Variants in FLCN observed in about 807,000 individuals in gnomAD.
FLCN encodes the protein folliculin.
A neutral mutation model predicts 62.5 loss-of-function variants in FLCN; 22 were observed. That is an observed-to-expected ratio of 0.35 (90% confidence interval 0.25 to 0.50). The LOEUF (loss-of-function observed/expected upper bound fraction) is 0.50, where lower values mean the gene tolerates loss of function less well. FLCN is among the 20% of genes least tolerant of loss of function. The probability of loss-of-function intolerance (pLI) is 0.97; values close to 1 mark genes in which losing one functional copy is unlikely to be tolerated. For missense variants in FLCN, 657 were observed against 778.0 expected, an observed-to-expected ratio of 0.84 and a Z score of 1.85; for synonymous variants, 319 against 310.0, an observed-to-expected ratio of 1.03 and a Z score of -0.30.
intron 9 of FLCN, chr17:17,217,494 T>C (rs1597587976): frequency 2.4e-6 from 1 of 422,058 alleles, no homozygotes; most frequent in East Asian, 5.1e-5. Flanking sequence ...CTACAGACAC[T>C]TTCTGCTGAA....
chr17:17,221,234 C>G (rs1254355413), intron 8 of FLCN: 1 of 1,534,266 alleles, frequency 6.5e-7, no homozygotes, highest in African/African-American at 1.4e-5. Flanking sequence ...ACTTGGCTAT[C>G]ACAAAATCGG....
chr17:17,221,083 C>T (rs558306330), intron 8 of FLCN: 71 of 1,174,468 alleles, frequency 6.0e-5, no homozygotes, highest in East Asian at 3.2e-4. Flanking sequence ...AAACACAGGG[C>T]CCCAAGCCCC....
At chr17:17,217,704 T>C (rs1256894451) in intron 9 of FLCN, 1 of 217,644 alleles carries the variant, frequency 4.6e-6, no homozygotes, top group Non-Finnish European at 9.3e-6. Flanking sequence ...GGACCCATCA[T>C]GGCTTTTAGT....
chr17:17,213,425 T>C lies in FLCN; in HGVS notation c.*230A>G, dbSNP rs1471370335. 2 of 620,548 alleles carry C rather than the reference T, an allele frequency of 3.2e-6. No individual in the cohort carries two copies. Among genetic ancestry groups the C allele is most frequent in the South Asian group, 1.9e-5 (1 of 53,600 alleles). The allele number at this position is 620,548 out of a possible 1,614,324, so 38.4% of individuals were successfully genotyped here. On this transcript the variant is annotated 3_prime_UTR_variant, in exon 14 of 14. Coordinates refer to ENST00000285071, the MANE Select transcript of FLCN (RefSeq NM_144997.7). ...GTTTGAACACAGAGAGAGCCCATCA[T>C]CCCTCCGCCTTTCATTGCCATCTTC...
chr17:17,223,094 T>C (rs2047144339), intron 6 of FLCN: 1 of 297,926 alleles, frequency 3.4e-6, no homozygotes, highest in African/African-American at 2.2e-5. Context: ...CAACATTTTT[T>C]CCTTTCTTTT....
chr17:17,216,466 T>TA lies in FLCN; in HGVS notation c.1213dup (p.Tyr405LeufsTer51), dbSNP rs1131690837. 1 of 1,613,788 alleles carries TA rather than the reference T, an allele frequency of 6.2e-7. No individual in the cohort carries two copies. The highest frequency in any genetic ancestry group is 1.7e-4 in the Middle Eastern group (1 of 6,058). The stretch of plus-strand genomic sequence containing the variant: ...ATAGGCCTCCTCGTACTGGCTGCTG[T>TA]ATGGGATGATGCGGACGCAGCCCAC... On this transcript the variant is annotated frameshift_variant, in exon 11 of 14. Coordinates refer to ENST00000285071, the MANE Select transcript of FLCN (RefSeq NM_144997.7). LOFTEE classifies it high-confidence loss of function. The surrounding 1 kb of genome is among the most constrained non-coding windows in gnomAD (Gnocchi z 4.0).
rs7223831 is a variant in FLCN, at chr17:17,212,741, G to A, written c.*914C>T. 7,690 of 191,454 alleles carry A rather than the reference G, an allele frequency of 0.04. 264 individuals are homozygous for A. The highest frequency in any genetic ancestry group is 0.095 in the African/African-American group (4,086 of 42,926). The allele number at this position is 191,454 out of a possible 1,614,324, so 11.9% of individuals were successfully genotyped here. On this transcript the variant is annotated 3_prime_UTR_variant, in exon 14 of 14. Coordinates refer to ENST00000285071, the MANE Select transcript of FLCN (RefSeq NM_144997.7). ...GCAGAGGTTGCAGTGAGCCAAGATC[G>A]TGCCATTGCACTCCAGCCTGGGCAA... is the stretch of plus-strand genomic sequence containing the variant.
chr17:17,221,693 C>T, intron 7 of FLCN, 65 bp from the exon 8 acceptor site: 4 of 1,533,742 alleles, frequency 2.6e-6, no homozygotes, highest in Non-Finnish European at 3.5e-6. Context: ...GACGCTCACC[C>T]AGCCCCTGAT....
intron 3 of FLCN, among the ~76,000 whole-genome samples, chr17:17,230,300 G>A (rs2047381275): frequency 6.6e-6 from 1 of 152,166 alleles, no homozygotes; most frequent in Non-Finnish European, 1.5e-5. Context: ...GGAGGCTGAG[G>A]CGGGTGGATC....
In FLCN at chr17:17,219,144, A is replaced by G. The variant is rs1432138522; in HGVS notation, c.937T>C (p.Leu313=). 6.2e-7 allele frequency: 1 copy of G among 1,614,102 alleles called. No individual in the cohort carries two copies. The highest frequency in any genetic ancestry group is 8.5e-7 in the Non-Finnish European group (1 of 1,180,044). The change falls in exon 9 of 14, where the codon TTG becomes CTG. Residue 313 remains leucine, a synonymous_variant. Coordinates refer to ENST00000285071, the MANE Select transcript of FLCN (RefSeq NM_144997.7). ...TCCCGCCCTTCTGTACTCTCTGGCA[A>G]CACAGGGGCTTTCTCCTCCTCTTCA... is the stretch of plus-strand genomic sequence containing the variant. ...EAEEEEKAPV[L]PESTEGRELT...
At position 17,226,024 on chromosome 17, in the gene FLCN, C is replaced by A. The variant is rs141509823; in HGVS notation, c.396+152G>T. On this transcript the variant is annotated intron_variant, in intron 5 of 13. Coordinates refer to ENST00000285071, the MANE Select transcript of FLCN (RefSeq NM_144997.7). ...CTCCCGCAATTCTGGACAAGGGAGG[C>A]GTCCTGTACCCTGTGCTGTGCTGAT... is the stretch of plus-strand genomic sequence containing the variant. The A allele has an allele frequency of 2.5e-5, 27 of 1,063,736 alleles. No individual in the cohort carries two copies. The East Asian group carries it at 6.2e-4, about 24-fold the overall frequency. 65.9% of individuals were successfully genotyped at this position (1,063,736 alleles called of 1,614,324 possible).
chr17:17,225,528 T>C (rs1028840799), intron 5 of FLCN: 1 of 155,660 alleles, frequency 6.4e-6, no homozygotes, highest in Non-Finnish European at 1.4e-5. Context: ...TCGGCCAACA[T>C]GGTGAAATCT....
At position 17,215,330 on chromosome 17, in the gene FLCN, A is replaced by T; in HGVS notation, c.1301-14T>A. On this transcript the variant is annotated splice_polypyrimidine_tract_variant and intron_variant, in intron 11 of 13. Transcript: ENST00000285071. The stretch of plus-strand genomic sequence containing the variant: ...TGACAGCAAACTCTGTAACAACACA[A>T]GGCCCGTGGCTCCTCATCTCCCCCA... The T allele has an allele frequency of 6.2e-7, 1 of 1,613,676 alleles. No homozygotes were observed. Among genetic ancestry groups the T allele is most frequent in the Non-Finnish European group, 8.5e-7 (1 of 1,179,992 alleles).
At chr17:17,226,744 T>C (rs2145020174) in intron 4 of FLCN, among the ~76,000 whole-genome samples, 3 of 152,262 alleles carry the variant, frequency 2.0e-5, no homozygotes, top group South Asian at 4.1e-4. Context: ...GCCTCCATCA[T>C]TGGTTCTGAA....
intron 11 of FLCN, among the ~76,000 whole-genome samples, chr17:17,215,575 A>C (rs2046893198): frequency 6.6e-6 from 1 of 152,208 alleles, no homozygotes. Flanking sequence ...ACATCAATTT[A>C]CCTCTGGCTA....
intron 3 of FLCN, chr17:17,229,254 G>GCTAGC (rs1438541173): frequency 6.6e-6 from 1 of 152,508 alleles, no homozygotes; most frequent in African/African-American, 2.4e-5. Context: ...AGGGAGGACA[G>GCTAGC]CTAGCCAACA....
At position 17,219,101 on chromosome 17, in the gene FLCN, G is replaced by A. The variant is rs2144895595; in HGVS notation, c.980C>T (p.Ala327Val). 6.2e-7 allele frequency: 1 copy of A among 1,614,164 alleles called. No homozygotes were observed. The highest frequency in any genetic ancestry group is 8.5e-7 in the Non-Finnish European group (1 of 1,180,024). The change falls in exon 9 of 14, where the codon GCA (alanine) becomes GTA (valine). Residue 327 changes from alanine (A) to valine (V), a missense_variant. Transcript: ENST00000285071. The stretch of plus-strand genomic sequence containing the variant: ...ACAGCCTGAGAGAGAGGAGGACTCT[G>A]CCGGGCCCTGGGTCAGCTCCCGCCC... ...TEGRELTQGP[A>V]ESSSLSGCGS...
Position 17,226,053 on chromosome 17 carries a change from C to T in FLCN, c.396+123G>A, listed in dbSNP as rs779852491. ...CTGTACCCTGTGCTGTGCTGATCTG[C>T]GGGTCCGCCCTGAGAGAGGACCAGT... is the stretch of plus-strand genomic sequence containing the variant. On this transcript the variant is annotated intron_variant, in intron 5 of 13. Coordinates refer to ENST00000285071, the MANE Select transcript of FLCN (RefSeq NM_144997.7). The T allele has an allele frequency of 2.4e-5, 33 of 1,376,298 alleles. No homozygotes were observed. In the East Asian group the frequency reaches 3.0e-4, roughly 12 times the overall value. The allele number at this position is 1,376,298 out of a possible 1,614,324, so 85.3% of individuals were successfully genotyped here.
chr17:17,224,550 T>C, intron 5 of FLCN: 1 of 343,554 alleles, frequency 2.9e-6, no homozygotes, highest in South Asian at 2.8e-5. Flanking sequence ...TCTTTCTTTA[T>C]TTGAGATGGA....
Sources: allele counts gnomAD v4.1 joint callset (sites outside exome capture counted in the v4.1 genomes callset), GRCh38; gene constraint gnomAD v4.1.1; non-coding constraint Gnocchi (gnomAD v3.1); transcripts MANE v1.5; gene names NCBI Gene and HGNC (gene_info 2026-07-23, HGNC 2026-07-21).